Variants in ANKRD33B observed in about 807,000 individuals in gnomAD.
ANKRD33B encodes the protein ankyrin repeat domain-containing protein 33B.
A neutral mutation model predicts 21.5 loss-of-function variants in ANKRD33B; 6 were observed. The observed-to-expected ratio is 0.28, with a 90% confidence interval of 0.15 to 0.55. The LOEUF (loss-of-function observed/expected upper bound fraction) is 0.55, where lower values mean the gene tolerates loss of function less well. Among genes scored for constraint, ANKRD33B ranks in the 20% least tolerant of loss-of-function variants. ANKRD33B has a pLI of 0.94. For synonymous variants in ANKRD33B, 347 were observed against 342.4 expected (o/e 1.01, Z -0.15); for missense variants, 698 against 747.2 (o/e 0.93, Z 0.77).
intron 1 of ANKRD33B, among the ~76,000 whole-genome samples, chr5:10,614,255 G>A (rs973809547): frequency 3.9e-5 from 6 of 152,192 alleles, no homozygotes; most frequent in Middle Eastern, 3.4e-3. Context: ...CTCACATGAC[G>A]GAGGGCATCT....
At chr5:10,580,480 C>G (rs1349537553) in intron 1 of ANKRD33B, among the ~76,000 whole-genome samples, 1 of 152,030 alleles carries the variant, frequency 6.6e-6, no homozygotes, top group Admixed American at 6.5e-5. Context: ...GTTTGAGCAC[C>G]ATGGATGTTT....
chr5:10,643,785 A>T (rs569760329), intron 3 of ANKRD33B, among the ~76,000 whole-genome samples: 2 of 140,540 alleles, frequency 1.4e-5, no homozygotes, highest in African/African-American at 5.1e-5. Context: ...ATGCCACTGT[A>T]TTCCAGCCTA....
At chr5:10,641,580 G>A (rs759976784) in intron 3 of ANKRD33B, among the ~76,000 whole-genome samples, 33 of 151,878 alleles carry the variant, frequency 2.2e-4, no homozygotes, top group East Asian at 1.5e-3. Flanking sequence ...TGCCCATGAC[G>A]GGACAGTCTT....
At chr5:10,607,090 G>C (rs1736061634) in intron 1 of ANKRD33B, among the ~76,000 whole-genome samples, 1 of 152,010 alleles carries the variant, frequency 6.6e-6, no homozygotes, top group African/African-American at 2.4e-5. Context: ...TAAAATAAAG[G>C]ACAGTTCTTC....
chr5:10,635,957 C>T (rs550386633), intron 2 of ANKRD33B, among the ~76,000 whole-genome samples: 43 of 152,372 alleles, frequency 2.8e-4, no homozygotes, highest in African/African-American at 1.0e-3. Flanking sequence ...GCTGCAGCGT[C>T]ATGCTCACGT....
chr5:10,646,278 A>G (rs1013531507), intron 3 of ANKRD33B, among the ~76,000 whole-genome samples: 1 of 152,206 alleles, frequency 6.6e-6, no homozygotes, highest in African/African-American at 2.4e-5. Context: ...TGGCGAGAAG[A>G]TGGATACAGT....
Position 10,564,650 on chromosome 5 carries a change from C to G in ANKRD33B, c.183C>G (p.Phe61Leu). The G allele has an allele frequency of 6.5e-7, 1 of 1,535,026 alleles. No individual in the cohort carries two copies. The highest frequency in any genetic ancestry group is 8.7e-7 in the Non-Finnish European group (1 of 1,146,610). Residue 61 changes from phenylalanine to leucine, a missense_variant, in exon 1 of 4, where the codon TTC (phenylalanine) becomes TTG (leucine). Physicochemically the swap from Phe to Leu is conservative, Grantham distance 22 (BLOSUM62 0). Coordinates refer to ENST00000296657, the MANE Select transcript of ANKRD33B (RefSeq NM_001164440.2). The part of the protein sequence containing the change: ...SIASDDSFYP[F>L]EDEEEHGVES... ...CCTCGGACGACTCTTTCTACCCTTTCGAGGACGAGGAGGAGCACGGCGTCG... is the reference window on the plus strand; with the variant it reads ...CCTCGGACGACTCTTTCTACCCTTTGGAGGACGAGGAGGAGCACGGCGTCG...
chr5:10,643,663 A>G (rs1216775149), intron 3 of ANKRD33B, among the ~76,000 whole-genome samples: 3 of 151,720 alleles, frequency 2.0e-5, no homozygotes, highest in African/African-American at 7.3e-5. Context: ...TGAAAATACA[A>G]AAAAAATTTA....
intron 1 of ANKRD33B, among the ~76,000 whole-genome samples, chr5:10,606,906 T>G (rs1390596662): frequency 1.3e-5 from 2 of 151,930 alleles, no homozygotes; most frequent in African/African-American, 4.8e-5. Flanking sequence ...TTTTTTTGTA[T>G]TTTTAATAGA....
chr5:10,575,518 G>A (rs1321476558), intron 1 of ANKRD33B, among the ~76,000 whole-genome samples: 1 of 151,980 alleles, frequency 6.6e-6, no homozygotes, highest in African/African-American at 2.4e-5. Context: ...CCAGTTTTCT[G>A]TCCTTTAGAG....
chr5:10,577,407 G>A (rs1735347532), intron 1 of ANKRD33B, among the ~76,000 whole-genome samples: 1 of 152,216 alleles, frequency 6.6e-6, no homozygotes, highest in Non-Finnish European at 1.5e-5. Flanking sequence ...ACAGGCGTGA[G>A]CCACCGCGCC....
chr5:10,608,345 G>A (rs937740034), intron 1 of ANKRD33B, among the ~76,000 whole-genome samples: 1 of 148,228 alleles, frequency 6.7e-6, no homozygotes, highest in East Asian at 2.0e-4. Flanking sequence ...GCAACAGAGC[G>A]AGACTCCATC....
chr5:10,617,523 T>A (rs1293530178), intron 1 of ANKRD33B, among the ~76,000 whole-genome samples: 1 of 152,178 alleles, frequency 6.6e-6, no homozygotes, highest in Non-Finnish European at 1.5e-5. Flanking sequence ...GCCCCCACCC[T>A]GGTGTGACAC....
intron 1 of ANKRD33B, among the ~76,000 whole-genome samples, chr5:10,575,804 CGTT>C (rs565940511): frequency 6.8e-4 from 103 of 152,156 alleles, no homozygotes; most frequent in Admixed American, 6.6e-3. Context: ...GAAATAATGC[CGTT>C]GTGGAGATGG....
At chr5:10,591,052 T>C (rs1735673850) in intron 1 of ANKRD33B, among the ~76,000 whole-genome samples, 1 of 152,104 alleles carries the variant, frequency 6.6e-6, no homozygotes. Context: ...TTTACTTTCT[T>C]TACACTGTTT....
intron 1 of ANKRD33B, among the ~76,000 whole-genome samples, chr5:10,579,995 C>T (rs1735409038): frequency 6.6e-6 from 1 of 152,160 alleles, no homozygotes; most frequent in South Asian, 2.1e-4. Context: ...CCCACCCCCT[C>T]CAGCCCTAAG....
At position 10,576,781 on chromosome 5, in the gene ANKRD33B, A is replaced by C. The variant is rs1560961250; in HGVS notation, c.366+11948A>C. Among the ~76,000 whole-genome samples, 1 of 152,262 alleles carries C rather than the reference A, an allele frequency of 6.6e-6. No homozygotes were observed. Among genetic ancestry groups the C allele is most frequent in the Non-Finnish European group, 1.5e-5 (1 of 68,044 alleles). ...TGTTTAACCAAAAGAAGAGTAGTTAAGAAAATAGCACATCCACATGGTGAG... is the reference window on the plus strand; with the variant it reads ...TGTTTAACCAAAAGAAGAGTAGTTACGAAAATAGCACATCCACATGGTGAG... On this transcript the variant is annotated intron_variant, in intron 1 of 3. Transcript: ENST00000296657. This position sits in a 1 kb window ranked among gnomAD's most constrained non-coding sequence, Gnocchi z 4.1.
rs541667542 is a variant in ANKRD33B at position 10,619,589 on chromosome 5, G to C, written c.496+1127G>C. Among the ~76,000 whole-genome samples, 28 of 152,324 alleles carry C rather than the reference G, an allele frequency of 1.8e-4. No homozygotes were observed. In the East Asian group the frequency reaches 4.8e-3, roughly 26 times the overall value. ...CTACTTTTCAATCAAGACGAATAGAGTGGGGGAACTCTTCAAACTTAGAAA... is the reference window on the plus strand; with the variant it reads ...CTACTTTTCAATCAAGACGAATAGACTGGGGGAACTCTTCAAACTTAGAAA... On this transcript the variant is annotated intron_variant, in intron 2 of 3. Transcript: ENST00000296657. This position sits in a 1 kb window ranked among gnomAD's most constrained non-coding sequence, Gnocchi z 4.5.
At chr5:10,611,202 C>T (rs1215722868) in intron 1 of ANKRD33B, among the ~76,000 whole-genome samples, 1 of 152,172 alleles carries the variant, frequency 6.6e-6, no homozygotes, top group East Asian at 1.9e-4. Flanking sequence ...TCAACTTTTT[C>T]TGTAATGTTG....
Sources: gnomAD v4.1 joint callset for allele counts (sites outside exome capture counted in the v4.1 genomes callset) on GRCh38, gnomAD v4.1.1 for gene constraint, Gnocchi (gnomAD v3.1) non-coding constraint, MANE v1.5 for transcripts, NCBI Gene and HGNC (gene_info 2026-07-23, HGNC 2026-07-21) for gene names.